LCE7A: variants seen among roughly 807,000 people sequenced by gnomAD.
The protein encoded by LCE7A is late cornified envelope 7A, also known as late cornified envelope protein 7A.
chr1:152,860,786 C>T, the LCE7A span, among the ~76,000 whole-genome samples: 2 of 152,334 alleles, frequency 1.3e-5, no homozygotes, highest in South Asian at 2.1e-4. Context: ...CAGGCTCCTG[C>T]TTCATGTCCA....
chr1:152,861,013 C>T, the LCE7A span, among the ~76,000 whole-genome samples: 1 of 152,278 alleles, frequency 6.6e-6, no homozygotes, highest in African/African-American at 2.4e-5. Flanking sequence ...ACCAAAGAAC[C>T]ACAGCCAAGG....
chr1:152,860,430 T>A, the LCE7A span, among the ~76,000 whole-genome samples: 1 of 152,146 alleles, frequency 6.6e-6, no homozygotes, highest in Non-Finnish European at 1.5e-5. Flanking sequence ...CATAGTGCCC[T>A]AAGCAACTGC....
At chr1:152,860,496 A>G in the LCE7A span, among the ~76,000 whole-genome samples, 1 of 152,222 alleles carries the variant, frequency 6.6e-6, no homozygotes, top group South Asian at 2.1e-4. Context: ...AGATGTCACC[A>G]GACTCTAACT....
the LCE7A span, among the ~76,000 whole-genome samples, chr1:152,860,582 T>C: frequency 0.045 from 6,801 of 152,286 alleles, 482 homozygotes; most frequent in African/African-American, 0.15. Context: ...TGGAGCCACA[T>C]ATTCAACTGT....
chr1:152,860,592 T>C, the LCE7A span, among the ~76,000 whole-genome samples: 19 of 152,218 alleles, frequency 1.2e-4, no homozygotes, highest in Non-Finnish European at 2.4e-4. Context: ...TATTCAACTG[T>C]AGAATTTCGG....
the LCE7A span, among the ~76,000 whole-genome samples, chr1:152,861,162 T>C: frequency 3.4e-4 from 52 of 152,318 alleles, 1 homozygote; most frequent in South Asian, 0.011. Flanking sequence ...GCTGTGTTCC[T>C]AGATCAAGGA....
At chr1:152,860,135 T>C in the LCE7A span, among the ~76,000 whole-genome samples, 1 of 152,024 alleles carries the variant, frequency 6.6e-6, no homozygotes, top group East Asian at 1.9e-4. Flanking sequence ...AATTGATAAT[T>C]CCAGGAAGAC....
At chr1:152,860,517 T>G in the LCE7A span, among the ~76,000 whole-genome samples, 1 of 152,184 alleles carries the variant, frequency 6.6e-6, no homozygotes, top group South Asian at 2.1e-4. Context: ...TACTCACTGC[T>G]GAATCTCTCC....
chr1:152,860,364 T>A, the LCE7A span, among the ~76,000 whole-genome samples: 1 of 152,138 alleles, frequency 6.6e-6, no homozygotes, highest in Non-Finnish European at 1.5e-5. Context: ...AATGTGGTTT[T>A]TAGAATGCAT....
At chr1:152,860,654 G>C in the LCE7A span, among the ~76,000 whole-genome samples, 1 of 152,146 alleles carries the variant, frequency 6.6e-6, no homozygotes, top group Non-Finnish European at 1.5e-5. Flanking sequence ...TTAGACTTTT[G>C]AAATGTTTGC....
At chr1:152,860,324 G>C in the LCE7A span, among the ~76,000 whole-genome samples, 3 of 152,158 alleles carry the variant, frequency 2.0e-5, no homozygotes, top group Admixed American at 6.5e-5. Flanking sequence ...ATGATGATGA[G>C]AGGTGACGTA....
At chr1:152,860,488 A>T in the LCE7A span, among the ~76,000 whole-genome samples, 14 of 152,094 alleles carry the variant, frequency 9.2e-5, no homozygotes, top group African/African-American at 3.1e-4. Context: ...ACAAGAGAAG[A>T]TGTCACCAGA....
the LCE7A span, among the ~76,000 whole-genome samples, chr1:152,860,254 G>A: frequency 4.6e-5 from 7 of 152,134 alleles, no homozygotes; most frequent in Non-Finnish European, 7.4e-5. Flanking sequence ...AGACAGCCAC[G>A]CAGGGCTGAA....
the LCE7A span, among the ~76,000 whole-genome samples, chr1:152,861,170 G>A: frequency 6.6e-6 from 1 of 152,200 alleles, no homozygotes; most frequent in African/African-American, 2.4e-5. Flanking sequence ...CCTAGATCAA[G>A]GAGACCTGCA....
the LCE7A span, among the ~76,000 whole-genome samples, chr1:152,859,996 G>A: frequency 7.9e-5 from 12 of 152,276 alleles, no homozygotes; most frequent in South Asian, 1.5e-3. Flanking sequence ...GTATCTATCC[G>A]TAGTCCCATC....
chr1:152,861,104 G>A, the LCE7A span, among the ~76,000 whole-genome samples: 1 of 152,188 alleles, frequency 6.6e-6, no homozygotes, highest in African/African-American at 2.4e-5. Context: ...TAGCTCCATA[G>A]GTGATGGGCT....
At chr1:152,860,808 C>G in the LCE7A span, among the ~76,000 whole-genome samples, 5 of 152,210 alleles carry the variant, frequency 3.3e-5, no homozygotes, top group African/African-American at 4.8e-5. Flanking sequence ...CTCCATGCCC[C>G]CCTCCAGCTC....
At chr1:152,861,046 C>A in the LCE7A span, among the ~76,000 whole-genome samples, 1 of 152,290 alleles carries the variant, frequency 6.6e-6, no homozygotes, top group Admixed American at 6.5e-5. Flanking sequence ...TTGATGTCTT[C>A]CCTCACTCTT....
At chr1:152,860,998 G>T in the LCE7A span, among the ~76,000 whole-genome samples, 7 of 152,242 alleles carry the variant, frequency 4.6e-5, no homozygotes, top group African/African-American at 1.4e-4. Flanking sequence ...TGTGACCTTT[G>T]AGGAACCAAA....
Sources: allele counts gnomAD v4.1 joint callset (sites outside exome capture counted in the v4.1 genomes callset), GRCh38; gene constraint gnomAD v4.1.1; transcripts MANE v1.5; gene names NCBI Gene and HGNC (gene_info 2026-07-23, HGNC 2026-07-21).